The following ARNT2 variants were observed in gnomAD, a reference collection of about 807,000 sequenced individuals.
The protein encoded by ARNT2 is aryl hydrocarbon receptor nuclear translocator 2.
A neutral mutation model predicts 91.7 loss-of-function variants in ARNT2; 36 were observed. That is an observed-to-expected ratio of 0.39 (90% CI 0.30 to 0.52). ARNT2 has a LOEUF of 0.52. Ranked by LOEUF, ARNT2 falls within the 20% of genes least tolerant of loss-of-function variation. ARNT2 has a pLI of 0.72. For missense variants in ARNT2, 775 were observed against 939.3 expected (o/e 0.83, Z 2.29); for synonymous variants, 365 against 347.1 (o/e 1.05, Z -0.57).
chr15:80,469,583 A>G, intron 3 of ARNT2, among the ~76,000 whole-genome samples: 1 of 151,630 alleles, frequency 6.6e-6, no homozygotes, highest in East Asian at 1.9e-4. Context: ...TGTAAACCAC[A>G]TATTGAGGCA....
chr15:80,467,438 G>A (rs1896671653), intron 3 of ARNT2, among the ~76,000 whole-genome samples: 1 of 152,214 alleles, frequency 6.6e-6, no homozygotes, highest in Admixed American at 6.5e-5. Flanking sequence ...TTGGAGTAGG[G>A]AAGAGGGCTG....
chr15:80,466,331 G>A (rs1303617367), intron 3 of ARNT2, among the ~76,000 whole-genome samples: 2 of 152,204 alleles, frequency 1.3e-5, no homozygotes, highest in African/African-American at 4.8e-5. Context: ...TTCCATAGCT[G>A]TGCTCCTGGA....
chr15:80,438,911 G>A (rs1646648746), intron 1 of ARNT2, among the ~76,000 whole-genome samples: 1 of 152,142 alleles, frequency 6.6e-6, no homozygotes, highest in African/African-American at 2.4e-5. Flanking sequence ...GACTGGTCTC[G>A]AACTCGTGAC....
chr15:80,494,611 T>C (rs1897100615), intron 5 of ARNT2, among the ~76,000 whole-genome samples: 1 of 152,014 alleles, frequency 6.6e-6, no homozygotes, highest in Admixed American at 6.5e-5. Flanking sequence ...TGTGGGGTGA[T>C]GATTTTATAA....
chr15:80,479,947 G>T (rs1266681015), intron 5 of ARNT2, among the ~76,000 whole-genome samples: 1 of 149,486 alleles, frequency 6.7e-6, no homozygotes, highest in Non-Finnish European at 1.5e-5. Context: ...CTAAAAGAAA[G>T]AAGAGACAAG....
At chr15:80,558,859 CA>C (rs1282974476) in intron 11 of ARNT2, among the ~76,000 whole-genome samples, 1 of 152,184 alleles carries the variant, frequency 6.6e-6, no homozygotes, top group Admixed American at 6.5e-5. Context: ...CATCGTTTAG[CA>C]GTCAGGTTTG....
At chr15:80,506,498 G>A (rs544893326) in intron 5 of ARNT2, among the ~76,000 whole-genome samples, 1 of 152,196 alleles carries the variant, frequency 6.6e-6, no homozygotes, top group African/African-American at 2.4e-5. Context: ...GACAGTGCAG[G>A]GTGGTAGATA....
chr15:80,591,510 T>A lies in ARNT2; in HGVS notation c.1919-58T>A. Reference sequence around the variant, plus strand: ...CCCTCCAGCCGCAGTGGTTCTTAGGTCTCACAGAACCACGGGATGGCTTTT... The same window carrying A: ...CCCTCCAGCCGCAGTGGTTCTTAGGACTCACAGAACCACGGGATGGCTTTT... On this transcript the variant is annotated intron_variant, in intron 17 of 18. Coordinates refer to ENST00000303329, the MANE Select transcript of ARNT2 (RefSeq NM_014862.4). This position sits in a 1 kb window ranked among gnomAD's most constrained non-coding sequence, Gnocchi z 5.1. The A allele has an allele frequency of 6.2e-7, 1 of 1,602,394 alleles. No individual in the cohort carries two copies. The highest frequency in any genetic ancestry group is 8.5e-7 in the Non-Finnish European group (1 of 1,171,000).
rs1893270066 is a variant in ARNT2 at position 80,591,011 on chromosome 15, T to G, written c.1919-557T>G. 6.6e-6 allele frequency among the ~76,000 whole-genome samples: 1 copy of G among 152,176 alleles called. No homozygotes were observed. The highest frequency in any genetic ancestry group is 1.5e-5 in the Non-Finnish European group (1 of 68,018). On this transcript the variant is annotated intron_variant, in intron 17 of 18. Coordinates refer to ENST00000303329, the MANE Select transcript of ARNT2 (RefSeq NM_014862.4). This position sits in a 1 kb window ranked among gnomAD's most constrained non-coding sequence, Gnocchi z 5.1. ...AGGGGGACCTTGTATAATGCGTGTGTGGCTTCCGAGGAGTTGCTCGGGGGC... is the reference window on the plus strand; with the variant it reads ...AGGGGGACCTTGTATAATGCGTGTGGGGCTTCCGAGGAGTTGCTCGGGGGC...
intron 17 of ARNT2, among the ~76,000 whole-genome samples, chr15:80,589,099 T>C (rs568026765): frequency 6.6e-6 from 1 of 152,164 alleles, no homozygotes; most frequent in Non-Finnish European, 1.5e-5. Flanking sequence ...TTTCAACATA[T>C]GTTAAGAGAT....
At chr15:80,452,419 C>T (rs994718735) in intron 2 of ARNT2, among the ~76,000 whole-genome samples, 3 of 152,310 alleles carry the variant, frequency 2.0e-5, no homozygotes, top group Admixed American at 2.0e-4. Context: ...TGATGTGGCT[C>T]ACCGCTGGGG....
intron 6 of ARNT2, among the ~76,000 whole-genome samples, chr15:80,512,074 A>G (rs142447865): frequency 6.6e-4 from 101 of 152,290 alleles, no homozygotes; most frequent in Admixed American, 3.3e-3. Flanking sequence ...GTTGCGTACT[A>G]TGAATTTCCA....
intron 7 of ARNT2, 27 bp downstream of exon 7, chr15:80,514,003 T>C: frequency 6.3e-7 from 1 of 1,594,598 alleles, no homozygotes; most frequent in Non-Finnish European, 8.6e-7. Flanking sequence ...ATGTATATTT[T>C]GGGACTGTTC....
rs186238763 is a variant in ARNT2 at position 80,405,580 on chromosome 15, C to T, written c.31+1034C>T. On this transcript the variant is annotated intron_variant, in intron 1 of 18. Coordinates refer to ENST00000303329, the MANE Select transcript of ARNT2 (RefSeq NM_014862.4). Reference sequence around the variant, plus strand: ...GAAAGATCCCTTTCATCTAAGGCGGCCAGGGAAGGCTTCTGGAGATTGGAC... The same window carrying T: ...GAAAGATCCCTTTCATCTAAGGCGGTCAGGGAAGGCTTCTGGAGATTGGAC... Among the ~76,000 whole-genome samples, 20 of 152,278 alleles carry T rather than the reference C, an allele frequency of 1.3e-4. No individual in the cohort carries two copies. In the East Asian group the frequency reaches 3.1e-3, roughly 23 times the overall value.
At chr15:80,576,275 C>A (rs1436741591) in intron 14 of ARNT2, among the ~76,000 whole-genome samples, 1 of 123,544 alleles carries the variant, frequency 8.1e-6, no homozygotes, top group East Asian at 2.0e-4. Flanking sequence ...AGAAAGAACT[C>A]TCATTAATTT....
intron 17 of ARNT2, among the ~76,000 whole-genome samples, chr15:80,582,627 GGC>G (rs1898820126): frequency 6.6e-6 from 1 of 152,120 alleles, no homozygotes; most frequent in South Asian, 2.1e-4. Context: ...GAGGTCTTGG[GGC>G]ACAGCATTTC....
intron 3 of ARNT2, among the ~76,000 whole-genome samples, chr15:80,464,319 TGG>T (rs1018912689): frequency 1.6e-5 from 2 of 126,392 alleles, no homozygotes; most frequent in Non-Finnish European, 3.6e-5. Context: ...GATTGGGGGC[TGG>T]GGGTGGGGGG....
intron 2 of ARNT2, among the ~76,000 whole-genome samples, chr15:80,455,272 T>TGGG (rs1203086957): frequency 2.0e-5 from 3 of 152,200 alleles, no homozygotes; most frequent in African/African-American, 7.2e-5. Context: ...TGAGTCATCC[T>TGGG]GAGTATTTAA....
intron 12 of ARNT2, among the ~76,000 whole-genome samples, chr15:80,573,191 T>C (rs1898614068): frequency 6.6e-6 from 1 of 152,272 alleles, no homozygotes; most frequent in East Asian, 1.9e-4. Flanking sequence ...AACTTAGCAG[T>C]TGAAAAATTA....
Sources: gnomAD v4.1 joint callset for allele counts (sites outside exome capture counted in the v4.1 genomes callset) on GRCh38, gnomAD v4.1.1 for gene constraint, Gnocchi (gnomAD v3.1) non-coding constraint, MANE v1.5 for transcripts, NCBI Gene and HGNC (gene_info 2026-07-23, HGNC 2026-07-21) for gene names.